The following ANO3 variants were observed in gnomAD, a reference collection of about 807,000 sequenced individuals.
ANO3 encodes anoctamin 3.
A neutral mutation model predicts 144.8 loss-of-function variants in ANO3; 99 were observed. That is an observed-to-expected ratio of 0.68 (90% confidence interval 0.58 to 0.81). The LOEUF is 0.81. ANO3 is among the 30% of genes least tolerant of loss of function. The probability of loss-of-function intolerance (pLI) is 0.00; values close to 1 mark genes in which losing one functional copy is unlikely to be tolerated. For synonymous variants in ANO3, 414 were observed against 392.6 expected, an observed-to-expected ratio of 1.05 and a Z score of -0.64; for missense variants, 905 against 1,202.2, an observed-to-expected ratio of 0.75 and a Z score of 3.66.
chr11:26,578,273 G>T (rs1851041907), intron 14 of ANO3, among the ~76,000 whole-genome samples: 1 of 152,124 alleles, frequency 6.6e-6, no homozygotes, highest in African/African-American at 2.4e-5. Context: ...AGCATGAATT[G>T]ACAATATGAG....
intron 1 of ANO3, among the ~76,000 whole-genome samples, chr11:26,350,131 C>G (rs369291148): frequency 6.6e-6 from 1 of 152,040 alleles, no homozygotes; most frequent in African/African-American, 2.4e-5. Flanking sequence ...AAATGCAACC[C>G]AAATTTTAGA....
intron 4 of ANO3, among the ~76,000 whole-genome samples, chr11:26,471,894 C>G (rs1463225561): frequency 2.0e-5 from 3 of 151,958 alleles, no homozygotes; most frequent in African/African-American, 7.2e-5. Flanking sequence ...AGAGGTTTCT[C>G]GAATCACCAA....
chr11:26,407,435 C>T (rs1236603687), intron 1 of ANO3, among the ~76,000 whole-genome samples: 1 of 151,666 alleles, frequency 6.6e-6, no homozygotes, highest in East Asian at 2.0e-4. Context: ...GCATGTTCTT[C>T]TATATTTAGT....
intron 1 of ANO3, among the ~76,000 whole-genome samples, chr11:26,343,305 A>G (rs1855412372): frequency 6.6e-6 from 1 of 152,246 alleles, no homozygotes. Flanking sequence ...TTCAGTGAAC[A>G]TACATGTTGA....
chr11:26,194,906 C>G (rs926745940), intron 1 of ANO3, among the ~76,000 whole-genome samples: 1 of 152,132 alleles, frequency 6.6e-6, no homozygotes, highest in East Asian at 1.9e-4. Context: ...TATTTTGATA[C>G]AGGCATACAA....
At chr11:26,318,102 CT>C (rs1854669787) in intron 1 of ANO3, among the ~76,000 whole-genome samples, 1 of 152,052 alleles carries the variant, frequency 6.6e-6, no homozygotes, top group Non-Finnish European at 1.5e-5. Context: ...ACACCAGGGC[CT>C]GTCAGGGAGT....
chr11:26,471,536 A>C (rs77963576), intron 4 of ANO3, among the ~76,000 whole-genome samples: 3,288 of 152,004 alleles, frequency 0.022, 97 homozygotes, highest in African/African-American at 0.075. Context: ...CAGTATGGGA[A>C]CTCCCCTTAC....
chr11:26,226,590 C>T (rs947197598), intron 1 of ANO3, among the ~76,000 whole-genome samples: 1 of 152,076 alleles, frequency 6.6e-6, no homozygotes, highest in Non-Finnish European at 1.5e-5. Flanking sequence ...TCCCTTCTCC[C>T]CTACTTAATA....
Position 26,372,408 on chromosome 11 carries a change from A to G in ANO3, c.46+40087A>G, listed in dbSNP as rs541041922. On this transcript the variant is annotated intron_variant, in intron 1 of 26. Transcript: ENST00000256737. ...TTTATTACCAGCAGAGAATGGACTAATACAATAACCTTTCTGTCCATTTCA... is the reference window on the plus strand; with the variant it reads ...TTTATTACCAGCAGAGAATGGACTAGTACAATAACCTTTCTGTCCATTTCA... 3.3e-5 allele frequency among the ~76,000 whole-genome samples: 5 copies of G among 152,324 alleles called. No homozygotes were observed. In the South Asian group the frequency reaches 6.2e-4, roughly 19 times the overall value.
chr11:26,602,993 G>T (rs77598155), intron 17 of ANO3, among the ~76,000 whole-genome samples: 23,519 of 152,038 alleles, frequency 0.15, 2,104 homozygotes, highest in East Asian at 0.33. Context: ...AATCATGAAA[G>T]AAATTGAAAG....
At chr11:26,262,674 C>T (rs183228345) in intron 1 of ANO3, among the ~76,000 whole-genome samples, 78 of 151,704 alleles carry the variant, frequency 5.1e-4, no homozygotes, top group Admixed American at 1.1e-3. Context: ...GGCATTAGGT[C>T]GGAAAGGTAG....
At chr11:26,595,460 GTTTTTTTTTT>G (rs201712393) in intron 14 of ANO3, among the ~76,000 whole-genome samples, 1 of 101,384 alleles carries the variant, frequency 9.9e-6, no homozygotes, top group African/African-American at 4.2e-5. Context: ...AGATAGAGTT[GTTTTTTTTTT>G]TTTTTTTTTT....
At chr11:26,463,173 A>C (rs1331925203) in intron 4 of ANO3, 25 bp downstream of exon 4, 2 of 1,208,564 alleles carry the variant, frequency 1.7e-6, no homozygotes, top group African/African-American at 1.5e-5. Context: ...ATTATCAATA[A>C]GTCATTTTTA....
At chr11:26,364,801 A>G (rs908821716) in intron 1 of ANO3, among the ~76,000 whole-genome samples, 1 of 152,224 alleles carries the variant, frequency 6.6e-6, no homozygotes, top group African/African-American at 2.4e-5. Flanking sequence ...TTGCAATTCA[A>G]CATGAGATTT....
At chr11:26,388,848 A>ATG (rs1856802439) in intron 1 of ANO3, among the ~76,000 whole-genome samples, 1 of 152,158 alleles carries the variant, frequency 6.6e-6, no homozygotes, top group African/African-American at 2.4e-5. Context: ...GTATACACAC[A>ATG]CGCACATACA....
intron 1 of ANO3, among the ~76,000 whole-genome samples, chr11:26,392,226 G>A (rs934299501): frequency 1.4e-5 from 2 of 145,118 alleles, no homozygotes; most frequent in African/African-American, 5.1e-5. Flanking sequence ...TGTCGTACAT[G>A]GTGAATTCCT....
chr11:26,208,962 A>G (rs1851874272), intron 1 of ANO3, among the ~76,000 whole-genome samples: 3 of 152,306 alleles, frequency 2.0e-5, no homozygotes, highest in African/African-American at 7.2e-5. Context: ...GAAAAAGCTA[A>G]CTTCAAGGTG....
intron 1 of ANO3, among the ~76,000 whole-genome samples, chr11:26,226,204 A>C: frequency 6.6e-6 from 1 of 152,070 alleles, no homozygotes; most frequent in Non-Finnish European, 1.5e-5. Context: ...GGCAAATTAC[A>C]TTTCAACAGA....
At chr11:26,534,583 C>G in intron 9 of ANO3, 21 bp downstream of exon 9, 1 of 1,510,988 alleles carries the variant, frequency 6.6e-7, no homozygotes. Context: ...TAATTAATAA[C>G]AGAGTAGAAC....
Sources: allele counts gnomAD v4.1 joint callset (sites outside exome capture counted in the v4.1 genomes callset), GRCh38; gene constraint gnomAD v4.1.1; transcripts MANE v1.5; gene names NCBI Gene and HGNC (gene_info 2026-07-23, HGNC 2026-07-21).